Variants in SBF2 observed in about 807,000 individuals in gnomAD.
SBF2 encodes myotubularin-related protein 13.
A neutral mutation model predicts 225.2 loss-of-function variants in SBF2; 112 were observed. The observed-to-expected ratio is 0.50, with a 90% CI of 0.43 to 0.58. The LOEUF (loss-of-function observed/expected upper bound fraction) is 0.58, where lower values mean the gene tolerates loss of function less well. Among genes scored for constraint, SBF2 ranks in the 20% least tolerant of loss-of-function variants. The probability of loss-of-function intolerance (pLI) is 0.00; values close to 1 mark genes in which losing one functional copy is unlikely to be tolerated. For missense variants in SBF2, 1,996 were observed against 2,206.2 expected (o/e 0.90, Z 1.91); for synonymous variants, 763 against 773.3 (o/e 0.99, Z 0.22).
chr11:9,972,013 G>C (rs1053053088), intron 13 of SBF2, among the ~76,000 whole-genome samples: 11 of 152,152 alleles, frequency 7.2e-5, no homozygotes, highest in African/African-American at 2.4e-4. Context: ...CAGGGGGAAA[G>C]GTTAGACAAT....
chr11:10,018,500 A>C (rs975633852), intron 6 of SBF2, among the ~76,000 whole-genome samples: 13 of 152,178 alleles, frequency 8.5e-5, no homozygotes, highest in African/African-American at 2.9e-4. Context: ...TAGACAAGAG[A>C]ACTTTGTGAC....
intron 32 of SBF2, among the ~76,000 whole-genome samples, chr11:9,802,249 AATG>A (rs1256805490): frequency 6.6e-6 from 1 of 152,180 alleles, no homozygotes; most frequent in Non-Finnish European, 1.5e-5. Context: ...GGAGTCCTGT[AATG>A]ATATCATTTG....
chr11:10,005,467 T>C (rs1471950152), intron 6 of SBF2, among the ~76,000 whole-genome samples: 1 of 152,192 alleles, frequency 6.6e-6, no homozygotes, highest in East Asian at 1.9e-4. Flanking sequence ...ACTTGATCTC[T>C]CAAGTTGTCT....
At chr11:10,298,196 G>C (rs1964565732), upstream of SBF2, among the ~76,000 whole-genome samples, 1 of 152,172 alleles carries the variant, frequency 6.6e-6, no homozygotes, top group South Asian at 2.1e-4. Context: ...TTCAAGACCA[G>C]CCTGACCAAC....
chr11:9,920,049 A>C (rs1480910510), intron 16 of SBF2, among the ~76,000 whole-genome samples: 1 of 152,056 alleles, frequency 6.6e-6, no homozygotes, highest in Non-Finnish European at 1.5e-5. Flanking sequence ...TTTTAAAAAA[A>C]ACTTACTTAT....
At chr11:9,959,146 G>T in intron 16 of SBF2, 1 of 910,116 alleles carries the variant, frequency 1.1e-6, no homozygotes, top group Non-Finnish European at 1.8e-6. Context: ...GATGAAACAG[G>T]TCACCCAGAG....
chr11:9,833,610 C>T (rs7948810), intron 26 of SBF2, among the ~76,000 whole-genome samples: 114,585 of 151,498 alleles, frequency 0.76, 44,074 homozygotes, highest in Non-Finnish European at 0.82. Flanking sequence ...TCAATAGAGA[C>T]GGGGTTTCAC....
chr11:10,288,181 G>A (rs953709409), intron 1 of SBF2, among the ~76,000 whole-genome samples: 5 of 152,170 alleles, frequency 3.3e-5, no homozygotes, highest in Non-Finnish European at 2.9e-5. Flanking sequence ...TCCTTCACCT[G>A]CAACATGGTG....
chr11:9,883,476 A>C lies in SBF2; in HGVS notation c.1929+12467T>G, dbSNP rs954376425. On this transcript the variant is annotated intron_variant, in intron 17 of 39. Coordinates refer to ENST00000256190, the MANE Select transcript of SBF2 (RefSeq NM_030962.4). Reference sequence around the variant, plus strand: ...CTATGGATTGACTGATGGTTAAGGGAATAGGTTCTGAAATCAGACTAACTC... The same window carrying C: ...CTATGGATTGACTGATGGTTAAGGGCATAGGTTCTGAAATCAGACTAACTC... Among the ~76,000 whole-genome samples the C allele has an allele frequency of 2.0e-5, 3 of 152,182 alleles. No individual in the cohort carries two copies. In the East Asian group the frequency reaches 5.8e-4, roughly 29 times the overall value.
At chr11:10,228,338 G>C (rs984957384) in intron 1 of SBF2, among the ~76,000 whole-genome samples, 2 of 152,090 alleles carry the variant, frequency 1.3e-5, no homozygotes, top group African/African-American at 4.8e-5. Context: ...GATTGCCCTG[G>C]CCAGAACTTC....
At chr11:10,264,268 C>T (rs1325820378) in intron 1 of SBF2, among the ~76,000 whole-genome samples, 1 of 152,130 alleles carries the variant, frequency 6.6e-6, no homozygotes, top group Non-Finnish European at 1.5e-5. Flanking sequence ...ACTCACAATA[C>T]TTCAGGGAAA....
At chr11:9,912,488 G>C (rs989801052) in intron 16 of SBF2, among the ~76,000 whole-genome samples, 1 of 151,998 alleles carries the variant, frequency 6.6e-6, no homozygotes, top group African/African-American at 2.4e-5. Flanking sequence ...GGGAGGCTGA[G>C]GCAGAATAGC....
intron 17 of SBF2, among the ~76,000 whole-genome samples, chr11:9,870,455 T>C (rs1376484158): frequency 6.6e-6 from 1 of 152,174 alleles, no homozygotes; most frequent in Non-Finnish European, 1.5e-5. Flanking sequence ...CTTCAGACTA[T>C]ACTACAAGGC....
At chr11:10,264,387 GATGC>G (rs1203854556) in intron 1 of SBF2, among the ~76,000 whole-genome samples, 1 of 152,044 alleles carries the variant, frequency 6.6e-6, no homozygotes, top group Non-Finnish European at 1.5e-5. Context: ...TATATAGGGA[GATGC>G]ATGCTTGAAA....
intron 37 of SBF2, 40 bp downstream of exon 37, chr11:9,785,085 G>A (rs780594638): frequency 1.3e-5 from 20 of 1,584,108 alleles, no homozygotes; most frequent in Middle Eastern, 2.3e-4. Context: ...AGGTGCTGTG[G>A]GGAAGTCTTC....
chr11:10,218,660 ACC>A (rs1958226233), intron 1 of SBF2, among the ~76,000 whole-genome samples: 1 of 152,078 alleles, frequency 6.6e-6, no homozygotes, highest in Non-Finnish European at 1.5e-5. Flanking sequence ...CAGCCATACC[ACC>A]CTGAATGCAC....
At chr11:10,129,137 T>C (rs1190270005) in intron 2 of SBF2, among the ~76,000 whole-genome samples, 1 of 134,350 alleles carries the variant, frequency 7.4e-6, no homozygotes, top group Non-Finnish European at 1.6e-5. Flanking sequence ...AGACACAGTC[T>C]CGCTCCATCA....
At chr11:9,940,550 A>G (rs1456959204) in intron 16 of SBF2, among the ~76,000 whole-genome samples, 6 of 152,240 alleles carry the variant, frequency 3.9e-5, no homozygotes, top group Admixed American at 1.3e-4. Context: ...TTATTTTTAA[A>G]TGAAATAAAA....
chr11:9,932,193 T>C (rs146534512), intron 16 of SBF2, among the ~76,000 whole-genome samples: 3 of 152,148 alleles, frequency 2.0e-5, no homozygotes, highest in Admixed American at 6.5e-5. Context: ...TGGAACCAAG[T>C]TGGAAAACAC....
Sources: gnomAD v4.1 joint callset for allele counts (sites outside exome capture counted in the v4.1 genomes callset) on GRCh38, gnomAD v4.1.1 for gene constraint, MANE v1.5 for transcripts, NCBI Gene and HGNC (gene_info 2026-07-23, HGNC 2026-07-21) for gene names.